Variants in ABLIM1 observed in about 807,000 individuals in gnomAD.
ABLIM1 encodes actin-binding LIM protein 1.
In ABLIM1, 40 loss-of-function variants were observed where a neutral mutation model predicts 107.0. The ratio of observed to expected loss-of-function variants is 0.37; its 90% confidence interval spans 0.29 to 0.49. ABLIM1 has a LOEUF of 0.49. Ranked by LOEUF, ABLIM1 falls within the 20% of genes least tolerant of loss-of-function variation. The pLI, the probability that ABLIM1 is intolerant of heterozygous loss-of-function variation, is 0.97. For missense variants in ABLIM1, 857 were observed against 1,008.5 expected (o/e 0.85, Z 2.04); for synonymous variants, 357 against 357.3 (o/e 1.00, Z 0.01).
At chr10:114,486,366 C>T (rs1343750317) in intron 8 of ABLIM1, among the ~76,000 whole-genome samples, 1 of 152,178 alleles carries the variant, frequency 6.6e-6, no homozygotes, top group Non-Finnish European at 1.5e-5. Flanking sequence ...CTAAAAGCAA[C>T]ACTGGAGAGA....
At chr10:114,710,868 A>C (rs1427440314) in intron 1 of ABLIM1, among the ~76,000 whole-genome samples, 5 of 152,232 alleles carry the variant, frequency 3.3e-5, no homozygotes. Flanking sequence ...ATATTTGCAC[A>C]CTAAGTATTT....
intron 1 of ABLIM1, among the ~76,000 whole-genome samples, chr10:114,671,696 G>A (rs1158959327): frequency 6.6e-6 from 1 of 152,170 alleles, no homozygotes; most frequent in Non-Finnish European, 1.5e-5. Context: ...AAGTTTTATT[G>A]AAATGGTGTC....
chr10:114,576,812 T>C (rs1466956823), intron 2 of ABLIM1, among the ~76,000 whole-genome samples: 1 of 152,234 alleles, frequency 6.6e-6, no homozygotes, highest in African/African-American at 2.4e-5. Context: ...CCTTCTTCTT[T>C]GCAATTTACA....
At position 114,753,586 on chromosome 10, in the gene ABLIM1, A is replaced by G. The variant is rs549382385; in HGVS notation, c.-213+14475T>C. Among the ~76,000 whole-genome samples, 98 of 152,066 alleles carry G rather than the reference A, an allele frequency of 6.4e-4. 3 individuals are homozygous for G. The South Asian group carries it at 0.02, about 30-fold the overall frequency. ...TCTCAACATATATGTGAAAAGGCAAAGCAGCTTTTTTTTCTTTTCAGTAGG... is the reference window on the plus strand; with the variant it reads ...TCTCAACATATATGTGAAAAGGCAAGGCAGCTTTTTTTTCTTTTCAGTAGG... On this transcript the variant is annotated intron_variant, in intron 1 of 15. Transcript: ENST00000651092.
intron 12 of ABLIM1, chr10:114,465,413 T>C: frequency 4.4e-6 from 1 of 226,830 alleles, no homozygotes; most frequent in Non-Finnish European, 8.5e-6. Context: ...AGTGAAGAGA[T>C]TTTTGTTAAT....
intron 1 of ABLIM1, among the ~76,000 whole-genome samples, chr10:114,682,116 A>G (rs1017845574): frequency 6.6e-6 from 1 of 152,212 alleles, no homozygotes; most frequent in Non-Finnish European, 1.5e-5. Flanking sequence ...TATTTAAACT[A>G]TGTTAACGAT....
intron 1 of ABLIM1, among the ~76,000 whole-genome samples, chr10:114,651,378 C>T (rs946233452): frequency 1.7e-4 from 26 of 152,078 alleles, no homozygotes; most frequent in African/African-American, 5.8e-4. Context: ...CAGAGGAGGA[C>T]GAGGCAAGAG....
intron 2 of ABLIM1, 87 bp from the exon 3 acceptor site, chr10:114,575,686 C>T (rs1255482046): frequency 1.1e-6 from 1 of 897,704 alleles, no homozygotes; most frequent in Non-Finnish European, 1.5e-6. Flanking sequence ...TGGTTGCTCA[C>T]CCTGTGATCT....
intron 1 of ABLIM1, among the ~76,000 whole-genome samples, chr10:114,679,635 CAAAAA>C (rs757677426): frequency 1.2e-5 from 1 of 86,300 alleles, no homozygotes; most frequent in African/African-American, 3.8e-5. Context: ...AACTCCGTCT[CAAAAA>C]AAAAAAAAAA....
At chr10:114,443,561 C>T (rs1439496213) in intron 17 of ABLIM1, among the ~76,000 whole-genome samples, 1 of 151,776 alleles carries the variant, frequency 6.6e-6, no homozygotes, top group Non-Finnish European at 1.5e-5. Flanking sequence ...GATCCGCCTG[C>T]CTTGGCCTCC....
intron 7 of ABLIM1, among the ~76,000 whole-genome samples, chr10:114,491,010 G>T (rs200933816): frequency 1.1e-5 from 1 of 89,196 alleles, no homozygotes; most frequent in African/African-American, 5.2e-5. Flanking sequence ...GTGTGTGTGT[G>T]TGTATATATA....
chr10:114,648,982 A>G (rs2079122636), intron 1 of ABLIM1, among the ~76,000 whole-genome samples: 1 of 152,186 alleles, frequency 6.6e-6, no homozygotes, highest in South Asian at 2.1e-4. Flanking sequence ...TGGTCTTCTC[A>G]TGTAATATCA....
chr10:114,568,358 C>A (rs942651177), intron 4 of ABLIM1, among the ~76,000 whole-genome samples: 5 of 152,004 alleles, frequency 3.3e-5, no homozygotes, highest in Non-Finnish European at 5.9e-5. Context: ...ATGTAACAAA[C>A]CTGCACGTCC....
intron 4 of ABLIM1, among the ~76,000 whole-genome samples, chr10:114,568,159 C>A (rs1005258926): frequency 9.4e-5 from 13 of 138,280 alleles, no homozygotes; most frequent in African/African-American, 3.4e-4. Context: ...CACTGCAGTC[C>A]GCAGTCCAGC....
chr10:114,683,861 A>G (rs763000182), intron 1 of ABLIM1, among the ~76,000 whole-genome samples: 4 of 152,150 alleles, frequency 2.6e-5, no homozygotes, highest in Non-Finnish European at 4.4e-5. Context: ...CAGCCTCACC[A>G]CGGAACAAAC....
chr10:114,783,602 T>C, the ABLIM1 span, among the ~76,000 whole-genome samples: 2 of 151,236 alleles, frequency 1.3e-5, no homozygotes, highest in African/African-American at 4.9e-5. Flanking sequence ...GGAGTTAAGA[T>C]AGAAAGAAAA....
At chr10:114,443,105 T>C (rs887802504) in intron 17 of ABLIM1, among the ~76,000 whole-genome samples, 36 of 152,136 alleles carry the variant, frequency 2.4e-4, no homozygotes, top group African/African-American at 8.2e-4. Context: ...CCCCACTAAA[T>C]GCATTTTTAA....
intron 1 of ABLIM1, among the ~76,000 whole-genome samples, chr10:114,614,699 T>C (rs2077017509): frequency 6.6e-6 from 1 of 152,104 alleles, no homozygotes; most frequent in Admixed American, 6.6e-5. Context: ...GATATCCCTA[T>C]GAGTAATTGA....
At chr10:114,704,580 A>G (rs1215670441) in intron 1 of ABLIM1, among the ~76,000 whole-genome samples, 1 of 138,600 alleles carries the variant, frequency 7.2e-6, no homozygotes, top group Non-Finnish European at 1.5e-5. Context: ...TATGCTTCAT[A>G]TCACTTTCTA....
Sources: gnomAD v4.1 joint callset for allele counts (sites outside exome capture counted in the v4.1 genomes callset) on GRCh38, gnomAD v4.1.1 for gene constraint, MANE v1.5 for transcripts, NCBI Gene and HGNC (gene_info 2026-07-23, HGNC 2026-07-21) for gene names.